Variants in HIKESHI observed in about 807,000 individuals in gnomAD.
HIKESHI encodes heat shock protein nuclear import factor hikeshi, also known as protein Hikeshi.
Under a neutral mutation model 25.7 loss-of-function variants are expected in HIKESHI, and 13 were observed. The ratio of observed to expected loss-of-function variants is 0.51; its 90% CI spans 0.33 to 0.80. The LOEUF (loss-of-function observed/expected upper bound fraction) is 0.80. HIKESHI is among the 30% of genes least tolerant of loss of function. The pLI, the probability that HIKESHI is intolerant of heterozygous loss-of-function variation, is 0.02. For synonymous variants in HIKESHI, 76 were observed against 78.7 expected, an observed-to-expected ratio of 0.97 and a Z score of 0.18; for missense variants, 174 against 229.5, an observed-to-expected ratio of 0.76 and a Z score of 1.56.
intron 2 of HIKESHI, among the ~76,000 whole-genome samples, chr11:86,317,122 C>G (rs1947008175): frequency 1.3e-5 from 2 of 151,756 alleles, no homozygotes; most frequent in Admixed American, 1.3e-4. Context: ...CACAAGGAAC[C>G]AAAAGAAAGC....
chr11:86,302,270 GA>G lies in HIKESHI; in HGVS notation c.-177del. On this transcript the variant is annotated 5_prime_UTR_variant, in exon 1 of 5. Transcript: ENST00000278483. ...CTGAGCAGTGGGCTGCTTAGGAAGA[GA>G]AGGTCAGAGTTCGCGGGGGCAGAGG... The G allele has an allele frequency of 1.5e-6, 1 of 682,034 alleles. No individual in the cohort carries two copies. The highest frequency in any genetic ancestry group is 2.6e-6 in the Non-Finnish European group (1 of 386,266). The allele number at this position is 682,034 out of a possible 1,614,324, so 42.2% of individuals were successfully genotyped here.
At chr11:86,332,741 T>C (rs2138389479) in intron 2 of HIKESHI, among the ~76,000 whole-genome samples, 1 of 152,356 alleles carries the variant, frequency 6.6e-6, no homozygotes, top group Non-Finnish European at 1.5e-5. Context: ...ATTGTAGGCA[T>C]TGTGGGCTAC....
intron 4 of HIKESHI, 132 bp downstream of exon 4, chr11:86,344,853 A>C: frequency 3.0e-6 from 2 of 673,434 alleles, no homozygotes; most frequent in Admixed American, 5.1e-5. Flanking sequence ...ATGCCATTAA[A>C]GTATGTACTA....
intron 2 of HIKESHI, among the ~76,000 whole-genome samples, chr11:86,335,872 C>CA (rs1317754157): frequency 6.6e-6 from 1 of 152,084 alleles, no homozygotes; most frequent in Non-Finnish European, 1.5e-5. Flanking sequence ...CAGTTTTCTA[C>CA]AAAAAATTAT....
Position 86,345,749 on chromosome 11 carries a change from G to A in HIKESHI, c.*111G>A, listed in dbSNP as rs1359537027. 4 of 498,282 alleles carry A rather than the reference G, an allele frequency of 8.0e-6. No individual in the cohort carries two copies. The highest frequency in any genetic ancestry group is 4.4e-5 in the South Asian group (1 of 22,866). 30.9% of individuals were successfully genotyped at this position (498,282 alleles called of 1,614,324 possible). A position where few individuals can be genotyped will look rare whatever the true frequency, so the allele number is the denominator to read the frequency against. ...ATCACGAAACCTAAGTTTAAAAACTGCTTAGAGACTGAAGCTTAATTAAAA... is the reference window on the plus strand; with the variant it reads ...ATCACGAAACCTAAGTTTAAAAACTACTTAGAGACTGAAGCTTAATTAAAA... On this transcript the variant is annotated 3_prime_UTR_variant, in exon 5 of 5. Transcript: ENST00000278483.
intron 1 of HIKESHI, 73 bp downstream of exon 1, chr11:86,302,551 C>T (rs912148668): frequency 4.0e-6 from 6 of 1,508,516 alleles, no homozygotes; most frequent in South Asian, 3.6e-5. Context: ...AGGGAGGGTG[C>T]GCAGGCGCTA....
chr11:86,345,797 A>G lies in HIKESHI; in HGVS notation c.*159A>G. On this transcript the variant is annotated 3_prime_UTR_variant, in exon 5 of 5. Transcript: ENST00000278483. ...AAAATCTTTATTAAAAATTAAAAAC[A>G]TTGAAAAATGAAAATATGTTCATCA... 2 of 411,908 alleles carry G rather than the reference A, an allele frequency of 4.9e-6. No homozygotes were observed. Among genetic ancestry groups the G allele is most frequent in the Non-Finnish European group, 8.5e-6 (2 of 233,958 alleles). 25.5% of individuals were successfully genotyped at this position (411,908 alleles called of 1,614,324 possible).
At chr11:86,312,091 CTGAGT>C (rs1946850127) in intron 2 of HIKESHI, among the ~76,000 whole-genome samples, 1 of 152,154 alleles carries the variant, frequency 6.6e-6, no homozygotes, top group African/African-American at 2.4e-5. Context: ...TGGTGCAGAG[CTGAGT>C]TAAGTTCCTG....
chr11:86,308,342 T>TTA (rs71468998), intron 2 of HIKESHI, among the ~76,000 whole-genome samples: 2,812 of 38,574 alleles, frequency 0.073, 363 homozygotes, highest in South Asian at 0.085. Context: ...AAAATATATA[T>TTA]TATATAAAAT....
chr11:86,315,243 T>C (rs1946942570), intron 2 of HIKESHI, among the ~76,000 whole-genome samples: 1 of 152,164 alleles, frequency 6.6e-6, no homozygotes, highest in African/African-American at 2.4e-5. Flanking sequence ...GCAGTTAGTT[T>C]AGCAGACTTA....
At chr11:86,321,357 T>C (rs1947141105) in intron 2 of HIKESHI, among the ~76,000 whole-genome samples, 1 of 152,214 alleles carries the variant, frequency 6.6e-6, no homozygotes, top group African/African-American at 2.4e-5. Flanking sequence ...TTACTAGTTT[T>C]TGGCTCATAA....
chr11:86,325,370 T>C (rs1947253128), intron 2 of HIKESHI, among the ~76,000 whole-genome samples: 1 of 152,088 alleles, frequency 6.6e-6, no homozygotes, highest in South Asian at 2.1e-4. Flanking sequence ...TTGTTTTGCT[T>C]GAGGGATGAT....
At chr11:86,308,693 A>G (rs989366660) in intron 2 of HIKESHI, among the ~76,000 whole-genome samples, 5 of 151,822 alleles carry the variant, frequency 3.3e-5, no homozygotes, top group East Asian at 1.9e-4. Context: ...TACATTAGGT[A>G]TATCTCCTAA....
chr11:86,315,774 AAGTT>A lies in HIKESHI; in HGVS notation c.268+9295_268+9298del, dbSNP rs574454935. On this transcript the variant is annotated intron_variant, in intron 2 of 4. Transcript: ENST00000278483. ...AGTGTAGAAAAGGATGCAAGACACA[AAGTT>A]AGCACAGAAATTGGTAAACCTATAG... is the stretch of plus-strand genomic sequence containing the variant. Among the ~76,000 whole-genome samples the A allele has an allele frequency of 1.8e-3, 272 of 152,258 alleles. 1 individual carries two copies. Among genetic ancestry groups the A allele is most frequent in the African/African-American group, 6.4e-3 (267 of 41,552 alleles).
chr11:86,306,031 C>G (rs142868599), intron 1 of HIKESHI, among the ~76,000 whole-genome samples: 2 of 152,098 alleles, frequency 1.3e-5, no homozygotes, highest in Non-Finnish European at 2.9e-5. Context: ...AGGTGTGAGC[C>G]GCTGTGATCT....
chr11:86,331,617 T>G (rs1213735637), intron 2 of HIKESHI, among the ~76,000 whole-genome samples: 1 of 152,202 alleles, frequency 6.6e-6, no homozygotes, highest in East Asian at 1.9e-4. Flanking sequence ...ATCTTTTATT[T>G]TGTGCTCTAT....
At chr11:86,329,125 G>A (rs958776634) in intron 2 of HIKESHI, among the ~76,000 whole-genome samples, 3 of 151,186 alleles carry the variant, frequency 2.0e-5, no homozygotes, top group African/African-American at 7.3e-5. Flanking sequence ...TTATGTTTAG[G>A]TGAGTTAAGA....
intron 1 of HIKESHI, among the ~76,000 whole-genome samples, chr11:86,305,201 T>C (rs1946592297): frequency 6.6e-6 from 1 of 151,312 alleles, no homozygotes; most frequent in African/African-American, 2.4e-5. Context: ...GATTTTGCCA[T>C]GTTGCCCTGG....
intron 2 of HIKESHI, among the ~76,000 whole-genome samples, chr11:86,323,023 G>A (rs950155523): frequency 6.6e-6 from 1 of 152,074 alleles, no homozygotes; most frequent in Non-Finnish European, 1.5e-5. Context: ...GAACTCAGGA[G>A]TTCAAGACCA....
Sources: gnomAD v4.1 joint callset for allele counts (sites outside exome capture counted in the v4.1 genomes callset) on GRCh38, gnomAD v4.1.1 for gene constraint, MANE v1.5 for transcripts, NCBI Gene and HGNC (gene_info 2026-07-23, HGNC 2026-07-21) for gene names.